BTBD9: variants seen among roughly 807,000 people sequenced by gnomAD.
The protein encoded by BTBD9 is BTB domain containing 9.
In BTBD9, 49 loss-of-function variants were observed where a neutral mutation model predicts 64.3. The ratio of observed to expected loss-of-function variants is 0.76; its 90% confidence interval spans 0.61 to 0.97. The LOEUF is 0.97. BTBD9 is among the 50% of genes least tolerant of loss of function. The probability of loss-of-function intolerance (pLI) is 0.00; values close to 1 mark genes in which losing one functional copy is unlikely to be tolerated. For synonymous variants in BTBD9, 260 were observed against 274.7 expected, an observed-to-expected ratio of 0.95 and a Z score of 0.53; for missense variants, 598 against 762.1, an observed-to-expected ratio of 0.78 and a Z score of 2.53.
intron 6 of BTBD9, among the ~76,000 whole-genome samples, chr6:38,468,245 A>G (rs1487582084): frequency 6.6e-6 from 1 of 152,186 alleles, no homozygotes; most frequent in Non-Finnish European, 1.5e-5. Context: ...CTTCAAGATC[A>G]ACTATCATGT....
At chr6:38,253,525 G>C (rs1764471389) in intron 9 of BTBD9, among the ~76,000 whole-genome samples, 3 of 152,180 alleles carry the variant, frequency 2.0e-5, no homozygotes, top group African/African-American at 7.2e-5. Context: ...TTTGGGTGGG[G>C]ACACAGAGCC....
intron 7 of BTBD9, among the ~76,000 whole-genome samples, chr6:38,324,043 C>A (rs1438151907): frequency 1.3e-5 from 2 of 152,188 alleles, no homozygotes; most frequent in Non-Finnish European, 2.9e-5. Context: ...GTGGAGGCTG[C>A]AGTGAGCTTT....
At chr6:38,194,672 A>G (rs977917931) in intron 9 of BTBD9, among the ~76,000 whole-genome samples, 2 of 152,020 alleles carry the variant, frequency 1.3e-5, no homozygotes, top group Non-Finnish European at 2.9e-5. Flanking sequence ...CAAGATGTAG[A>G]GGAGGTTTGA....
intron 6 of BTBD9, among the ~76,000 whole-genome samples, chr6:38,375,354 A>G (rs1168816299): frequency 6.6e-6 from 1 of 152,336 alleles, no homozygotes; most frequent in South Asian, 2.1e-4. Flanking sequence ...CTAAGCAATC[A>G]TAAAATGCAT....
chr6:38,509,422 C>T (rs899087524), intron 6 of BTBD9, among the ~76,000 whole-genome samples: 1 of 152,186 alleles, frequency 6.6e-6, no homozygotes, highest in Middle Eastern at 3.2e-3. Flanking sequence ...TACAAATCAG[C>T]TGTCACATCT....
At chr6:38,621,444 T>A (rs1431667513) in intron 1 of BTBD9, among the ~76,000 whole-genome samples, 3 of 152,150 alleles carry the variant, frequency 2.0e-5, no homozygotes, top group East Asian at 3.9e-4. Flanking sequence ...TATATACTGA[T>A]GGAAGTTCAT....
intron 9 of BTBD9, among the ~76,000 whole-genome samples, chr6:38,193,228 C>T (rs898133395): frequency 2.0e-5 from 3 of 152,050 alleles, no homozygotes; most frequent in African/African-American, 2.4e-5. Flanking sequence ...CTACTCAGCT[C>T]GGCAGGCTTC....
At chr6:38,531,282 G>T (rs149890220) in intron 6 of BTBD9, among the ~76,000 whole-genome samples, 1 of 152,116 alleles carries the variant, frequency 6.6e-6, no homozygotes, top group Non-Finnish European at 1.5e-5. Context: ...GGAGAGAGTC[G>T]CATGACATAT....
chr6:38,331,398 G>C (rs1437819923), intron 7 of BTBD9, among the ~76,000 whole-genome samples: 1 of 152,106 alleles, frequency 6.6e-6, no homozygotes, highest in Non-Finnish European at 1.5e-5. Flanking sequence ...AGAATCACTT[G>C]AACCCAGGAG....
At chr6:38,439,137 T>C (rs12213655) in intron 6 of BTBD9, among the ~76,000 whole-genome samples, 1 of 124,390 alleles carries the variant, frequency 8.0e-6, no homozygotes, top group African/African-American at 3.1e-5. Context: ...TTTTTTTTGG[T>C]GAGATGGAGT....
intron 1 of BTBD9, among the ~76,000 whole-genome samples, chr6:38,623,305 T>C (rs1455368710): frequency 6.6e-6 from 1 of 152,104 alleles, no homozygotes; most frequent in African/African-American, 2.4e-5. Context: ...CTCAAGTCTG[T>C]CAGCACAGGG....
At chr6:38,270,587 A>T (rs1367432179) in intron 8 of BTBD9, among the ~76,000 whole-genome samples, 6 of 152,160 alleles carry the variant, frequency 3.9e-5, no homozygotes, top group Non-Finnish European at 2.9e-5. Context: ...GGGCTGGGAA[A>T]TATCCCTGAG....
intron 7 of BTBD9, among the ~76,000 whole-genome samples, chr6:38,338,046 A>G (rs978341304): frequency 3.9e-5 from 6 of 152,222 alleles, no homozygotes; most frequent in Admixed American, 6.5e-5. Context: ...CAGCTTCAGC[A>G]ACAGAGTTCT....
At chr6:38,283,905 C>A (rs1761618314) in intron 8 of BTBD9, among the ~76,000 whole-genome samples, 1 of 152,216 alleles carries the variant, frequency 6.6e-6, no homozygotes, top group Non-Finnish European at 1.5e-5. Context: ...ATCAACCTGT[C>A]ATTGGTCAAT....
intron 6 of BTBD9, among the ~76,000 whole-genome samples, chr6:38,429,177 G>A (rs1253894087): frequency 6.6e-6 from 1 of 151,568 alleles, no homozygotes; most frequent in Non-Finnish European, 1.5e-5. Context: ...CAACTGGGCT[G>A]GGCATGGTGG....
chr6:38,213,884 T>G (rs1762920067), intron 9 of BTBD9, among the ~76,000 whole-genome samples: 1 of 151,796 alleles, frequency 6.6e-6, no homozygotes, highest in Non-Finnish European at 1.5e-5. Flanking sequence ...AGGCTGGGAC[T>G]GAGCTGGAGG....
chr6:38,201,306 C>T (rs915971739), intron 9 of BTBD9, among the ~76,000 whole-genome samples: 1 of 152,092 alleles, frequency 6.6e-6, no homozygotes, highest in South Asian at 2.1e-4. Flanking sequence ...AATCAATAAA[C>T]GTGATACATT....
At chr6:38,427,196 A>C (rs1169556866) in intron 6 of BTBD9, among the ~76,000 whole-genome samples, 1 of 151,620 alleles carries the variant, frequency 6.6e-6, no homozygotes, top group Non-Finnish European at 1.5e-5. Flanking sequence ...AAAAAAAAAA[A>C]AGCTGATGCC....
chr6:38,464,297 T>C (rs2127356746), intron 6 of BTBD9, among the ~76,000 whole-genome samples: 1 of 152,230 alleles, frequency 6.6e-6, no homozygotes, highest in South Asian at 2.1e-4. Context: ...CATATTGTTA[T>C]GGCAGCCCTG....
Sources: allele counts gnomAD v4.1 joint callset (sites outside exome capture counted in the v4.1 genomes callset), GRCh38; gene constraint gnomAD v4.1.1; transcripts MANE v1.5; gene names NCBI Gene and HGNC (gene_info 2026-07-23, HGNC 2026-07-21).